Variants in PIP5K1B observed in about 807,000 individuals in gnomAD.
The protein encoded by PIP5K1B is phosphatidylinositol 4-phosphate 5-kinase type-1 beta.
PIP5K1B carries 42 observed loss-of-function variants against 67.0 expected under a neutral mutation model. That is an observed-to-expected ratio of 0.63 (90% CI 0.49 to 0.81). The LOEUF is 0.81. PIP5K1B is among the 30% of genes least tolerant of loss of function. The probability of loss-of-function intolerance (pLI) is 0.00; values close to 1 mark genes in which losing one functional copy is unlikely to be tolerated. For missense variants in PIP5K1B, 459 were observed against 646.3 expected (o/e 0.71, Z 3.14); for synonymous variants, 214 against 231.4 (o/e 0.92, Z 0.68).
intron 1 of PIP5K1B, among the ~76,000 whole-genome samples, chr9:68,717,135 G>A (rs1394966782): frequency 6.6e-6 from 1 of 152,174 alleles, no homozygotes; most frequent in African/African-American, 2.4e-5. Context: ...GTCAGGTACT[G>A]TGTTCACTAC....
chr9:69,006,765 A>G (rs547415062), intron 15 of PIP5K1B, among the ~76,000 whole-genome samples: 4 of 152,238 alleles, frequency 2.6e-5, no homozygotes, highest in African/African-American at 9.6e-5. Context: ...AGTGTGATCT[A>G]TAGAACGAGG....
chr9:68,831,013 G>T (rs1235616046), intron 4 of PIP5K1B, among the ~76,000 whole-genome samples: 2 of 152,076 alleles, frequency 1.3e-5, no homozygotes, highest in Non-Finnish European at 2.9e-5. Context: ...CTCTTAAGAA[G>T]TTGCAAAAGG....
intron 14 of PIP5K1B, among the ~76,000 whole-genome samples, chr9:68,986,120 A>G (rs1406644629): frequency 6.6e-6 from 1 of 152,198 alleles, no homozygotes; most frequent in Non-Finnish European, 1.5e-5. Flanking sequence ...TGTATGTGGG[A>G]GTGGAATTGG....
intron 4 of PIP5K1B, 22 bp downstream of exon 4, chr9:68,822,705 T>G (rs569776978): frequency 4.5e-6 from 7 of 1,550,778 alleles, no homozygotes; most frequent in Non-Finnish European, 6.2e-6. Flanking sequence ...TTTTATTTTC[T>G]AAAGAGGAAC....
rs112871217 is a variant in PIP5K1B at position 68,818,661 on chromosome 9, C to T, written c.-1+116C>T. On this transcript the variant is annotated intron_variant, in intron 3 of 15. Transcript: ENST00000265382. ...CTAAAACATATATCTAGCTCATAACCTTTAACTCTGACATCAAATTTGAAT... is the reference window on the plus strand; with the variant it reads ...CTAAAACATATATCTAGCTCATAACTTTTAACTCTGACATCAAATTTGAAT... 4 of 152,032 alleles carry T rather than the reference C, an allele frequency of 2.6e-5. 1 individual carries two copies. The highest frequency in any genetic ancestry group is 9.7e-5 in the African/African-American group (4 of 41,434). The allele number at this position is 152,032 out of a possible 1,614,324, so 9.4% of individuals were successfully genotyped here.
chr9:68,869,341 A>T (rs1485222968), intron 5 of PIP5K1B, among the ~76,000 whole-genome samples: 1 of 152,176 alleles, frequency 6.6e-6, no homozygotes, highest in Non-Finnish European at 1.5e-5. Context: ...TTTGCTCCTT[A>T]TGAGAATGTA....
intron 4 of PIP5K1B, among the ~76,000 whole-genome samples, chr9:68,826,017 C>T (rs1428977937): frequency 6.6e-6 from 1 of 152,196 alleles, no homozygotes; most frequent in Admixed American, 6.5e-5. Context: ...TTGCAGTTGA[C>T]CATTTCCTGA....
At chr9:68,898,611 G>A (rs1053263755) in intron 8 of PIP5K1B, among the ~76,000 whole-genome samples, 4 of 152,022 alleles carry the variant, frequency 2.6e-5, no homozygotes, top group East Asian at 1.9e-4. Flanking sequence ...TTCATCTTCC[G>A]CCAGGCCTGC....
chr9:68,789,091 T>C (rs151214535), intron 2 of PIP5K1B: 373 of 540,724 alleles, frequency 6.9e-4, no homozygotes, highest in Non-Finnish European at 1.1e-3. Context: ...GATTTATCAA[T>C]AATGGCATCA....
chr9:68,932,669 A>G (rs1003833057), intron 12 of PIP5K1B, among the ~76,000 whole-genome samples: 1 of 152,234 alleles, frequency 6.6e-6, no homozygotes, highest in African/African-American at 2.4e-5. Flanking sequence ...AACTCTACAC[A>G]TATGAGAGAA....
At chr9:68,920,382 T>TTTTTTTTG in intron 11 of PIP5K1B, among the ~76,000 whole-genome samples, 1 of 139,720 alleles carries the variant, frequency 7.2e-6, no homozygotes. Flanking sequence ...TTTTTTTTTT[T>TTTTTTTTG]TTTGAGATGG....
At chr9:68,951,432 GA>G (rs1828062406) in intron 14 of PIP5K1B, among the ~76,000 whole-genome samples, 1 of 152,192 alleles carries the variant, frequency 6.6e-6, no homozygotes, top group Non-Finnish European at 1.5e-5. Flanking sequence ...ATTTATGTAT[GA>G]GTGCATTTCA....
intron 2 of PIP5K1B, among the ~76,000 whole-genome samples, chr9:68,748,747 G>A (rs1432774595): frequency 6.6e-6 from 1 of 150,586 alleles, no homozygotes; most frequent in Non-Finnish European, 1.5e-5. Flanking sequence ...CCAGCCTCCT[G>A]AGTAGTGGGA....
intron 2 of PIP5K1B, among the ~76,000 whole-genome samples, chr9:68,786,737 G>A (rs1430414742): frequency 1.3e-5 from 2 of 151,968 alleles, no homozygotes; most frequent in Non-Finnish European, 2.9e-5. Flanking sequence ...AAGATTTAGG[G>A]GAAATTTTTT....
intron 1 of PIP5K1B, among the ~76,000 whole-genome samples, chr9:68,717,771 G>T (rs1239740348): frequency 6.6e-6 from 1 of 152,158 alleles, no homozygotes; most frequent in Non-Finnish European, 1.5e-5. Flanking sequence ...CAGTCAGTGT[G>T]CTATAAGAAA....
intron 5 of PIP5K1B, 120 bp downstream of exon 5, chr9:68,864,087 T>A: frequency 1.1e-6 from 1 of 883,466 alleles, no homozygotes; most frequent in Non-Finnish European, 1.7e-6. Flanking sequence ...ATATTGGGCC[T>A]TTGGCAGGGC....
intron 2 of PIP5K1B, among the ~76,000 whole-genome samples, chr9:68,762,588 A>G (rs921212317): frequency 2.0e-5 from 3 of 152,144 alleles, no homozygotes; most frequent in Non-Finnish European, 2.9e-5. Flanking sequence ...GGAAGCTGAT[A>G]TAGAAGAGAT....
chr9:68,915,560 G>T (rs1282165288), intron 8 of PIP5K1B, among the ~76,000 whole-genome samples: 1 of 152,150 alleles, frequency 6.6e-6, no homozygotes, highest in East Asian at 1.9e-4. Context: ...ACCAGCCAAA[G>T]GGTCTGGTAC....
intron 8 of PIP5K1B, among the ~76,000 whole-genome samples, chr9:68,913,660 CT>C (rs958444433): frequency 6.6e-6 from 1 of 152,148 alleles, no homozygotes; most frequent in African/African-American, 2.4e-5. Context: ...AACCCAAACT[CT>C]AACTGCAATG....
Sources: allele counts gnomAD v4.1 joint callset (sites outside exome capture counted in the v4.1 genomes callset), GRCh38; gene constraint gnomAD v4.1.1; transcripts MANE v1.5; gene names NCBI Gene and HGNC (gene_info 2026-07-23, HGNC 2026-07-21).